KDM2B: variants seen among roughly 807,000 people sequenced by gnomAD.
KDM2B encodes the protein lysine demethylase 2B.
In KDM2B, 26 loss-of-function variants were observed where a neutral mutation model predicts 150.0. That is an observed-to-expected ratio of 0.17 (90% CI 0.13 to 0.24). The LOEUF is 0.24. Ranked by LOEUF, KDM2B falls within the 10% of genes least tolerant of loss-of-function variation. The pLI is 1.00. For synonymous variants in KDM2B, 734 were observed against 729.5 expected (o/e 1.01, Z -0.10); for missense variants, 1,265 against 1,816.9 (o/e 0.70, Z 5.52).
intron 13 of KDM2B, among the ~76,000 whole-genome samples, chr12:121,446,089 C>A (rs1466663960): frequency 6.6e-6 from 1 of 152,202 alleles, no homozygotes; most frequent in Non-Finnish European, 1.5e-5. Flanking sequence ...TGACTCATGC[C>A]ATACGCTTAT....
At chr12:121,437,256 G>A (rs1401192350) in intron 22 of KDM2B, among the ~76,000 whole-genome samples, 15 of 151,988 alleles carry the variant, frequency 9.9e-5, no homozygotes, top group African/African-American at 3.4e-4. Flanking sequence ...TGTACCATTT[G>A]CATAGAAACT....
chr12:121,414,683 G>C, the KDM2B span, among the ~76,000 whole-genome samples: 1 of 151,510 alleles, frequency 6.6e-6, no homozygotes, highest in African/African-American at 2.4e-5. Flanking sequence ...TGTTGTTGTT[G>C]TTTTTTCGAG....
At chr12:121,569,758 C>A (rs1246700690) in intron 4 of KDM2B, among the ~76,000 whole-genome samples, 2 of 152,150 alleles carry the variant, frequency 1.3e-5, no homozygotes, top group Non-Finnish European at 2.9e-5. Flanking sequence ...ACATTCATCG[C>A]TCCATTTGAT....
rs542785005 is a variant in KDM2B at position 121,521,597 on chromosome 12, G to A, written c.932-497C>T. Among the ~76,000 whole-genome samples the A allele has an allele frequency of 2.4e-4, 36 of 152,210 alleles. No individual in the cohort carries two copies. The highest frequency in any genetic ancestry group is 3.4e-3 in the Middle Eastern group (1 of 294). On this transcript the variant is annotated intron_variant, in intron 8 of 22. Coordinates refer to ENST00000377071, the MANE Select transcript of KDM2B (RefSeq NM_032590.5). The surrounding 1 kb of genome is among the most constrained non-coding windows in gnomAD (Gnocchi z 4.9). ...CTGCAGGACCCAAGCACTTTCCTCC[G>A]CCCAAGTCCATCTTCTTGTCATCAA...
At chr12:121,579,908 T>C in intron 1 of KDM2B, 1 of 1,339,752 alleles carries the variant, frequency 7.5e-7, no homozygotes, top group South Asian at 1.5e-5. Flanking sequence ...TCTTGCAAAA[T>C]ACAGAAAAGG....
chr12:121,430,202 G>T lies in KDM2B; in HGVS notation c.*86C>A, dbSNP rs782589239. On this transcript the variant is annotated 3_prime_UTR_variant, in exon 23 of 23. Transcript: ENST00000377071. The surrounding 1 kb of genome is among the most constrained non-coding windows in gnomAD (Gnocchi z 4.4). ...ATTGCGTTGTGGTCTGTTGTCCCAC[G>T]TTCCAAATGGAAAATAAAAGCCCTC... 1 of 1,614,130 alleles carries T rather than the reference G, an allele frequency of 6.2e-7. No homozygotes were observed. Among genetic ancestry groups the T allele is most frequent in the South Asian group, 1.1e-5 (1 of 91,090 alleles).
intron 13 of KDM2B, 108 bp from the exon 14 acceptor site, chr12:121,445,526 C>A: frequency 8.4e-7 from 1 of 1,191,470 alleles, no homozygotes; most frequent in East Asian, 2.6e-5. Context: ...TGCCAGGAGA[C>A]CCCCGGAAAG....
At chr12:121,570,636 C>T (rs1361777704) in intron 4 of KDM2B, among the ~76,000 whole-genome samples, 2 of 152,332 alleles carry the variant, frequency 1.3e-5, no homozygotes, top group East Asian at 3.9e-4. Context: ...TGCATAGCCA[C>T]TAGCATGGCT....
intron 6 of KDM2B, among the ~76,000 whole-genome samples, chr12:121,535,698 G>A (rs1888033290): frequency 6.6e-6 from 1 of 152,192 alleles, no homozygotes; most frequent in South Asian, 2.1e-4. Context: ...GTGAATCCAG[G>A]GGAAGCAGGA....
At chr12:121,536,105 C>T in intron 6 of KDM2B, 1 of 984,476 alleles carries the variant, frequency 1.0e-6, no homozygotes, top group Non-Finnish European at 1.2e-6. Context: ...GAGCCAGCAG[C>T]GCGCCGGCAC....
Position 121,518,444 on chromosome 12 carries a change from A to C in KDM2B, c.1047+2541T>G, listed in dbSNP as rs1409417014. Among the ~76,000 whole-genome samples, 1 of 152,072 alleles carries C rather than the reference A, an allele frequency of 6.6e-6. No homozygotes were observed. Among genetic ancestry groups the C allele is most frequent in the Non-Finnish European group, 1.5e-5 (1 of 68,002 alleles). On this transcript the variant is annotated intron_variant, in intron 9 of 22. Coordinates refer to ENST00000377071, the MANE Select transcript of KDM2B (RefSeq NM_032590.5). This position sits in a 1 kb window ranked among gnomAD's most constrained non-coding sequence, Gnocchi z 4.4. ...GCTGCTCCCAGCCCAGTCTGCCCCC[A>C]AGCCCCCGCTGCCAGCCTGCTTCGG... is the stretch of plus-strand genomic sequence containing the variant.
At chr12:121,508,927 G>A (rs1205491962) in intron 11 of KDM2B, among the ~76,000 whole-genome samples, 1 of 152,202 alleles carries the variant, frequency 6.6e-6, no homozygotes, top group Non-Finnish European at 1.5e-5. Flanking sequence ...AGGCTGGAGG[G>A]GTTCGTCTCT....
intron 13 of KDM2B, among the ~76,000 whole-genome samples, chr12:121,451,052 C>T (rs1461898694): frequency 1.3e-5 from 2 of 152,010 alleles, no homozygotes; most frequent in East Asian, 3.9e-4. Context: ...TGTGGGTCCG[C>T]TTATATGCCG....
intron 6 of KDM2B, among the ~76,000 whole-genome samples, chr12:121,539,350 A>G (rs1029624198): frequency 3.3e-5 from 5 of 151,340 alleles, no homozygotes; most frequent in East Asian, 1.9e-4. Context: ...AAAAAAAAAA[A>G]AAAAAGAAAG....
At chr12:121,456,575 T>TA (rs1566287727) in intron 12 of KDM2B, among the ~76,000 whole-genome samples, 2 of 152,064 alleles carry the variant, frequency 1.3e-5, no homozygotes, top group Non-Finnish European at 2.9e-5. Context: ...GCTTCTCTGG[T>TA]AAAAAACTGA....
chr12:121,494,837 G>A (rs1205095929), intron 11 of KDM2B, among the ~76,000 whole-genome samples, 172 bp from the exon 12 acceptor site: 1 of 151,988 alleles, frequency 6.6e-6, no homozygotes, highest in Admixed American at 6.6e-5. Context: ...GGGTCCCCTG[G>A]GGCCCACGAA....
intron 22 of KDM2B, among the ~76,000 whole-genome samples, chr12:121,434,714 T>C (rs1045882595): frequency 2.0e-5 from 3 of 151,920 alleles, no homozygotes; most frequent in Non-Finnish European, 4.4e-5. Context: ...TCCCAGCACT[T>C]TGGGAAGCCA....
chr12:121,420,196 A>G, the KDM2B span: 1 of 1,583,842 alleles, frequency 6.3e-7, no homozygotes, highest in Non-Finnish European at 8.7e-7. Flanking sequence ...CTAGTGATAA[A>G]TACAGATTGA....
In KDM2B at chr12:121,532,836, T is replaced by G. The variant is rs1231624187; in HGVS notation, c.901A>C (p.Lys301Gln). 3 of 1,614,078 alleles carry G rather than the reference T, an allele frequency of 1.9e-6. No individual in the cohort carries two copies. In the African/African-American group the frequency reaches 4.0e-5, roughly 22 times the overall value. ...RVERCQRIEL[K>Q]QGYTFFIPSG... ...GGGATGAAAAATGTGTAGCCCTGCT[T>G]CAGCTCAATTCTTTGGCATCGTTCC... is the stretch of plus-strand genomic sequence containing the variant. The change falls in exon 8 of 23, where the codon AAG becomes CAG. Residue 301 changes from lysine (K) to glutamine (Q), a missense_variant. Coordinates refer to ENST00000377071, the MANE Select transcript of KDM2B (RefSeq NM_032590.5).
Sources: gnomAD v4.1 joint callset for allele counts (sites outside exome capture counted in the v4.1 genomes callset) on GRCh38, gnomAD v4.1.1 for gene constraint, Gnocchi (gnomAD v3.1) non-coding constraint, MANE v1.5 for transcripts, NCBI Gene and HGNC (gene_info 2026-07-23, HGNC 2026-07-21) for gene names.